Variants in DPH6 observed in about 807,000 individuals in gnomAD.
DPH6 encodes diphthine--ammonia ligase.
A neutral mutation model predicts 38.2 loss-of-function variants in DPH6; 33 were observed. The ratio of observed to expected loss-of-function variants is 0.86; its 90% confidence interval spans 0.65 to 1.15. The LOEUF (loss-of-function observed/expected upper bound fraction) is 1.15, where lower values mean the gene tolerates loss of function less well. DPH6 is among the 50% of genes most tolerant of loss of function. DPH6 has a pLI of 0.00. For synonymous variants in DPH6, 108 were observed against 103.0 expected (o/e 1.05, Z -0.30); for missense variants, 325 against 320.0 (o/e 1.02, Z -0.12).
At chr15:35,214,434 A>T (rs946538685), downstream of DPH6, among the ~76,000 whole-genome samples, 1 of 152,144 alleles carries the variant, frequency 6.6e-6, no homozygotes, top group African/African-American at 2.4e-5. Flanking sequence ...TATGTTGCTC[A>T]GGCCCAAAAC....
At chr15:35,301,295 C>T (rs1467547046) in intron 3 of DPH6, among the ~76,000 whole-genome samples, 1 of 152,178 alleles carries the variant, frequency 6.6e-6, no homozygotes, top group East Asian at 1.9e-4. Flanking sequence ...AACACCAGGA[C>T]TGTGCAGACA....
chr15:35,179,040 C>T, the DPH6 span, among the ~76,000 whole-genome samples: 92 of 151,674 alleles, frequency 6.1e-4, no homozygotes, highest in Non-Finnish European at 1.2e-3. Context: ...AATCCCATCT[C>T]TACTAAAAAT....
At chr15:35,527,837 C>T (rs1317441204) in intron 3 of DPH6, among the ~76,000 whole-genome samples, 2 of 152,044 alleles carry the variant, frequency 1.3e-5, no homozygotes, top group African/African-American at 2.4e-5. Context: ...CAGAACGATG[C>T]TAAGCAATGA....
At chr15:35,168,294 G>A in the DPH6 span, among the ~76,000 whole-genome samples, 3,041 of 151,972 alleles carry the variant, frequency 0.02, 98 homozygotes, top group African/African-American at 0.067. Flanking sequence ...ATTTTCTTCT[G>A]AGCTAAATGT....
intron 3 of DPH6, among the ~76,000 whole-genome samples, chr15:35,466,217 A>C (rs943300292): frequency 6.6e-6 from 1 of 152,188 alleles, no homozygotes; most frequent in African/African-American, 2.4e-5. Flanking sequence ...AAATTAATTA[A>C]AAATAATTAA....
chr15:35,422,574 T>C (rs541289661), intron 5 of DPH6, among the ~76,000 whole-genome samples: 29 of 151,952 alleles, frequency 1.9e-4, no homozygotes, highest in Non-Finnish European at 2.9e-4. Context: ...GTGTGTGTTG[T>C]GAGAACACTT....
At chr15:35,227,174 CTTTTTTTT>C (rs71415001) in intron 3 of DPH6, among the ~76,000 whole-genome samples, 7 of 77,080 alleles carry the variant, frequency 9.1e-5, no homozygotes, top group African/African-American at 2.0e-4. Flanking sequence ...ATAACATCTT[CTTTTTTTT>C]TTTTTTTTTT....
the DPH6 span, among the ~76,000 whole-genome samples, chr15:35,201,689 G>A: frequency 6.6e-6 from 1 of 151,266 alleles, no homozygotes; most frequent in East Asian, 1.9e-4. Flanking sequence ...GGATATTACC[G>A]GATATTTTAT....
rs192004173 is a variant in DPH6, at chr15:35,231,389, G to A, written n.201-10807C>T. ...ATGCTGCTGCTTCCGGGAAATGGAA[G>A]GGGGGTGGCATGGGCCATCCAAGAC... On this transcript the variant is annotated intron_variant and non_coding_transcript_variant, in intron 3 of 3. Coordinates refer to the DPH6 transcript ENST00000560386. Among the ~76,000 whole-genome samples the A allele has an allele frequency of 4.6e-4, 70 of 152,352 alleles. 1 individual carries two copies. Among genetic ancestry groups the A allele is most frequent in the Non-Finnish European group, 6.9e-4 (47 of 68,032 alleles).
chr15:35,433,278 T>C (rs1243032835), intron 5 of DPH6, among the ~76,000 whole-genome samples: 1 of 152,168 alleles, frequency 6.6e-6, no homozygotes, highest in Non-Finnish European at 1.5e-5. Context: ...GCAATTGATA[T>C]ACACACCAAC....
At chr15:35,537,952 A>T (rs562303790) in intron 3 of DPH6, 1 of 172,686 alleles carries the variant, frequency 5.8e-6, no homozygotes, top group East Asian at 1.5e-4. Context: ...TATAGTAGGC[A>T]TTCAAAAAAT....
chr15:35,175,488 T>C, the DPH6 span, among the ~76,000 whole-genome samples: 1 of 152,240 alleles, frequency 6.6e-6, no homozygotes, highest in Non-Finnish European at 1.5e-5. Flanking sequence ...CATGTAGCAA[T>C]TGCCTTAGCA....
intron 3 of DPH6, among the ~76,000 whole-genome samples, chr15:35,253,371 C>T (rs1480721871): frequency 6.6e-6 from 1 of 152,144 alleles, no homozygotes; most frequent in Non-Finnish European, 1.5e-5. Context: ...TTCTTATATT[C>T]TGGTGCACAG....
intron 6 of DPH6, among the ~76,000 whole-genome samples, chr15:35,401,982 T>G (rs1032144239): frequency 6.6e-6 from 1 of 152,214 alleles, no homozygotes; most frequent in Admixed American, 6.5e-5. Context: ...TCATTTTAGT[T>G]TCTCTTCTGT....
chr15:35,344,291 T>C (rs1247779045), intron 3 of DPH6, among the ~76,000 whole-genome samples: 1 of 151,978 alleles, frequency 6.6e-6, no homozygotes, highest in African/African-American at 2.4e-5. Flanking sequence ...TAGAAAAATA[T>C]TTGTTCCAAG....
intron 3 of DPH6, among the ~76,000 whole-genome samples, chr15:35,244,140 A>G (rs972965101): frequency 1.3e-5 from 2 of 152,232 alleles, no homozygotes; most frequent in Admixed American, 6.5e-5. Context: ...TGCTCAGGTA[A>G]GGGTGGGATG....
At chr15:35,214,039 G>A (rs1240548016), downstream of DPH6, among the ~76,000 whole-genome samples, 2 of 151,632 alleles carry the variant, frequency 1.3e-5, no homozygotes, top group Non-Finnish European at 1.5e-5. Flanking sequence ...GTGAACCCGC[G>A]AGACAGAGCT....
chr15:35,425,810 C>CATATATATATATATATATAT (rs71741742), intron 5 of DPH6, among the ~76,000 whole-genome samples: 8 of 142,030 alleles, frequency 5.6e-5, no homozygotes, highest in African/African-American at 2.0e-4. Context: ...TATGACATGA[C>CATATATATATATATATATAT]ATATATATAT....
At chr15:35,333,328 T>C (rs1423057058) in intron 3 of DPH6, among the ~76,000 whole-genome samples, 1 of 152,122 alleles carries the variant, frequency 6.6e-6, no homozygotes, top group Non-Finnish European at 1.5e-5. Flanking sequence ...AAAAGTATTA[T>C]ACTACAAAAG....
Sources: gnomAD v4.1 joint callset for allele counts (sites outside exome capture counted in the v4.1 genomes callset) on GRCh38, gnomAD v4.1.1 for gene constraint, MANE v1.5 for transcripts, NCBI Gene and HGNC (gene_info 2026-07-23, HGNC 2026-07-21) for gene names.